MBD5: variants seen among roughly 807,000 people sequenced by gnomAD.
The protein encoded by MBD5 is methyl-CpG-binding domain protein 5.
MBD5 carries 13 observed loss-of-function variants against 117.3 expected under a neutral mutation model. The observed-to-expected ratio is 0.11, with a 90% CI of 0.07 to 0.18. The LOEUF is 0.18. MBD5 is among the 10% of genes least tolerant of loss of function. The probability of loss-of-function intolerance (pLI) is 1.00; values close to 1 mark genes in which losing one functional copy is unlikely to be tolerated. For missense variants in MBD5, 1,879 were observed against 2,093.8 expected, an observed-to-expected ratio of 0.90 and a Z score of 2.00; for synonymous variants, 727 against 766.4, an observed-to-expected ratio of 0.95 and a Z score of 0.85.
intron 9 of MBD5, chr2:148,485,494 T>C: frequency 2.1e-6 from 1 of 474,336 alleles, no homozygotes; most frequent in South Asian, 2.4e-5. Flanking sequence ...GACTGCCTAA[T>C]GAATAGAGCA....
intron 4 of MBD5, among the ~76,000 whole-genome samples, chr2:148,439,001 G>A (rs1019352746): frequency 1.3e-5 from 2 of 151,984 alleles, no homozygotes; most frequent in African/African-American, 4.8e-5. Flanking sequence ...CTAAACTTAA[G>A]CCCACCAGTC....
chr2:148,281,891 C>T (rs1269598077), intron 3 of MBD5, among the ~76,000 whole-genome samples: 1 of 152,150 alleles, frequency 6.6e-6, no homozygotes, highest in Non-Finnish European at 1.5e-5. Flanking sequence ...TTGCTCAAGT[C>T]TTTTGCCAGG....
chr2:148,246,067 G>A (rs946161951), intron 3 of MBD5, among the ~76,000 whole-genome samples: 2 of 152,176 alleles, frequency 1.3e-5, no homozygotes, highest in African/African-American at 2.4e-5. Context: ...ATTAATGATA[G>A]AAATTGCTGT....
rs559119210 is a variant in MBD5, at chr2:148,474,787, G to C, written c.2518+4326G>C. Among the ~76,000 whole-genome samples, 4 of 152,200 alleles carry C rather than the reference G, an allele frequency of 2.6e-5. No individual in the cohort carries two copies. In the South Asian group the frequency reaches 8.3e-4, roughly 32 times the overall value. Reference sequence around the variant, plus strand: ...ACAAAATACATTTGATTGAAACTCAGGACAGCCATTAATATGGTAGGTATA... The same window carrying C: ...ACAAAATACATTTGATTGAAACTCACGACAGCCATTAATATGGTAGGTATA... On this transcript the variant is annotated intron_variant, in intron 8 of 13. Transcript: ENST00000642680.
At chr2:148,319,956 A>G (rs972657795) in intron 3 of MBD5, among the ~76,000 whole-genome samples, 3 of 152,086 alleles carry the variant, frequency 2.0e-5, no homozygotes, top group Non-Finnish European at 2.9e-5. Flanking sequence ...GAGGATTTTT[A>G]TCATGAAGGG....
intron 1 of MBD5, among the ~76,000 whole-genome samples, chr2:148,042,150 A>G (rs1399682287): frequency 6.6e-6 from 1 of 152,214 alleles, no homozygotes; most frequent in Non-Finnish European, 1.5e-5. Context: ...CCTCATTAGC[A>G]TATAATACTC....
At chr2:148,246,739 G>A (rs1016749340) in intron 3 of MBD5, among the ~76,000 whole-genome samples, 75 of 141,260 alleles carry the variant, frequency 5.3e-4, no homozygotes, top group African/African-American at 1.9e-3. Flanking sequence ...ACTCCAGCCT[G>A]GGTGACAGAG....
At chr2:148,290,819 A>G (rs1198337657) in intron 3 of MBD5, among the ~76,000 whole-genome samples, 2 of 152,298 alleles carry the variant, frequency 1.3e-5, no homozygotes, top group South Asian at 2.1e-4. Flanking sequence ...TACTATAAAT[A>G]TTTGTGCACA....
chr2:148,439,875 A>G (rs1706268350), intron 4 of MBD5, among the ~76,000 whole-genome samples: 1 of 151,864 alleles, frequency 6.6e-6, no homozygotes, highest in Non-Finnish European at 1.5e-5. Flanking sequence ...GGTAGCTGGG[A>G]CTACAGGCAT....
intron 6 of MBD5, 77 bp from the exon 7 acceptor site, chr2:148,463,662 T>C (rs1167501180): frequency 1.4e-6 from 2 of 1,412,566 alleles, no homozygotes; most frequent in Admixed American, 1.8e-5. Context: ...TATGCACAAC[T>C]TTTTTTTTAA....
At chr2:148,064,590 T>C (rs1483669021) in intron 1 of MBD5, among the ~76,000 whole-genome samples, 2 of 152,158 alleles carry the variant, frequency 1.3e-5, no homozygotes, top group Non-Finnish European at 2.9e-5. Context: ...GGCAAACCGA[T>C]TCTCCCAGCC....
At chr2:148,152,895 T>C (rs1574072514) in intron 1 of MBD5, among the ~76,000 whole-genome samples, 1 of 152,030 alleles carries the variant, frequency 6.6e-6, no homozygotes, top group Admixed American at 6.6e-5. Flanking sequence ...CTTTATCCAA[T>C]TTGCCAGTCT....
At chr2:148,314,052 G>A (rs1050516134) in intron 3 of MBD5, among the ~76,000 whole-genome samples, 2 of 151,868 alleles carry the variant, frequency 1.3e-5, no homozygotes, top group South Asian at 2.1e-4. Context: ...CATTGTTCTC[G>A]CTGGGAGCTG....
intron 1 of MBD5, chr2:148,072,107 C>A (rs1025151441): frequency 2.0e-5 from 3 of 152,110 alleles, no homozygotes; most frequent in Non-Finnish European, 2.9e-5. Flanking sequence ...CTAGAGAATT[C>A]AGTATTCTAA....
At chr2:148,083,682 C>G (rs1270840891) in intron 1 of MBD5, among the ~76,000 whole-genome samples, 1 of 151,988 alleles carries the variant, frequency 6.6e-6, no homozygotes, top group Non-Finnish European at 1.5e-5. Context: ...GGCTGTAGTG[C>G]AGTCGCGCGA....
chr2:148,146,910 A>G (rs77673562), intron 1 of MBD5, among the ~76,000 whole-genome samples: 306 of 152,306 alleles, frequency 2.0e-3, no homozygotes, highest in African/African-American at 6.9e-3. Flanking sequence ...CAGACATTCT[A>G]GTAAATATTT....
At chr2:148,188,187 G>GA (rs1400125056) in intron 2 of MBD5, among the ~76,000 whole-genome samples, 1 of 152,022 alleles carries the variant, frequency 6.6e-6, no homozygotes, top group Non-Finnish European at 1.5e-5. Flanking sequence ...TCCAAAATTT[G>GA]AAAAAATTCA....
chr2:148,129,610 A>G (rs1187807892), intron 1 of MBD5, among the ~76,000 whole-genome samples: 1 of 152,224 alleles, frequency 6.6e-6, no homozygotes, highest in African/African-American at 2.4e-5. Context: ...CACTATATTG[A>G]AAGTGCCACT....
chr2:148,305,346 C>A (rs1358808282), intron 3 of MBD5, among the ~76,000 whole-genome samples: 1 of 152,170 alleles, frequency 6.6e-6, no homozygotes, highest in Non-Finnish European at 1.5e-5. Flanking sequence ...GTCCATTCCT[C>A]ATTTGGTAGA....
Sources: allele counts gnomAD v4.1 joint callset (sites outside exome capture counted in the v4.1 genomes callset), GRCh38; gene constraint gnomAD v4.1.1; transcripts MANE v1.5; gene names NCBI Gene and HGNC (gene_info 2026-07-23, HGNC 2026-07-21).